ARL13B: variants seen among roughly 807,000 people sequenced by gnomAD.
The protein encoded by ARL13B is ARF like GTPase 13B, also known as ADP-ribosylation factor-like protein 13B.
A neutral mutation model predicts 56.1 loss-of-function variants in ARL13B; 36 were observed. That is an observed-to-expected ratio of 0.64 (90% CI 0.49 to 0.85). The LOEUF (loss-of-function observed/expected upper bound fraction) is 0.85. Ranked by LOEUF, ARL13B falls within the 40% of genes least tolerant of loss-of-function variation. ARL13B has a pLI of 0.00. For synonymous variants in ARL13B, 178 were observed against 171.1 expected, an observed-to-expected ratio of 1.04 and a Z score of -0.32; for missense variants, 519 against 507.1, an observed-to-expected ratio of 1.02 and a Z score of -0.23.
At chr3:93,994,626 C>T (rs941674949) in intron 1 of ARL13B, among the ~76,000 whole-genome samples, 13 of 152,048 alleles carry the variant, frequency 8.5e-5, no homozygotes, top group African/African-American at 2.9e-4. Context: ...ATACCTAGAA[C>T]ACTGGTGTCT....
In ARL13B at chr3:93,980,313, C is replaced by A; in HGVS notation, c.-111C>A. The A allele has an allele frequency of 2.1e-6, 3 of 1,433,282 alleles. No homozygotes were observed. The highest frequency in any genetic ancestry group is 2.9e-6 in the Non-Finnish European group (3 of 1,029,502). The allele number at this position is 1,433,282 out of a possible 1,614,324, so 88.8% of individuals were successfully genotyped here. On this transcript the variant is annotated 5_prime_UTR_variant, in exon 1 of 10. Coordinates refer to ENST00000394222, the MANE Select transcript of ARL13B (RefSeq NM_001174150.2). ...TCACTTCCCTCCCGGCTTTTCCTCC[C>A]GACTTATCCACTTTAGGGGCGTCTC...
intron 2 of ARL13B, among the ~76,000 whole-genome samples, chr3:94,003,449 A>T (rs564664699): frequency 1.3e-5 from 2 of 152,310 alleles, no homozygotes; most frequent in African/African-American, 4.8e-5. Context: ...TGTGGGTGTT[A>T]TATCAGGGGA....
chr3:94,011,604 T>C (rs1575970774), intron 3 of ARL13B, among the ~76,000 whole-genome samples: 1 of 152,286 alleles, frequency 6.6e-6, no homozygotes, highest in East Asian at 1.9e-4. Context: ...AGGGTTTCTC[T>C]TTCTACCCAA....
chr3:94,021,724 G>T lies in ARL13B; in HGVS notation c.381-13607G>T, dbSNP rs868252596. 3.9e-5 allele frequency among the ~76,000 whole-genome samples: 6 copies of T among 152,172 alleles called. No individual in the cohort carries two copies. In the Middle Eastern group the frequency reaches 0.014, roughly 345 times the overall value. ...GTAATTTATCTTGTATAGCTTCCTA[G>T]TGTTCATTTTGTGGTTTAGTGGTAT... On this transcript the variant is annotated intron_variant, in intron 3 of 9. Coordinates refer to ENST00000394222, the MANE Select transcript of ARL13B (RefSeq NM_001174150.2).
intron 3 of ARL13B, among the ~76,000 whole-genome samples, chr3:94,018,124 C>T (rs1054100213): frequency 6.6e-6 from 1 of 152,128 alleles, no homozygotes; most frequent in African/African-American, 2.4e-5. Context: ...TCTTGAACTC[C>T]TGGGCTCAAG....
At chr3:93,981,146 G>C (rs2107304234) in intron 1 of ARL13B, among the ~76,000 whole-genome samples, 1 of 152,310 alleles carries the variant, frequency 6.6e-6, no homozygotes, top group Non-Finnish European at 1.5e-5. Context: ...AATGCTGGAA[G>C]TATTAATAAT....
intron 3 of ARL13B, among the ~76,000 whole-genome samples, chr3:94,011,919 C>T (rs936982334): frequency 3.3e-5 from 5 of 152,084 alleles, no homozygotes; most frequent in African/African-American, 1.2e-4. Flanking sequence ...TTCTATAATT[C>T]CTTGAAACTG....
intron 1 of ARL13B, among the ~76,000 whole-genome samples, chr3:93,993,477 G>T (rs2075912567): frequency 6.6e-6 from 1 of 152,134 alleles, no homozygotes; most frequent in Non-Finnish European, 1.5e-5. Context: ...CTTCAGTGCA[G>T]TGACACAATC....
chr3:94,032,381 G>A (rs1440291320), intron 3 of ARL13B, among the ~76,000 whole-genome samples: 2 of 152,182 alleles, frequency 1.3e-5, no homozygotes, highest in African/African-American at 4.8e-5. Context: ...ATTTTTAGCT[G>A]TTACTGAAAA....
chr3:94,035,965 G>C (rs2076760480), intron 4 of ARL13B, among the ~76,000 whole-genome samples: 1 of 152,020 alleles, frequency 6.6e-6, no homozygotes, highest in African/African-American at 2.4e-5. Flanking sequence ...CCAGCTGCTT[G>C]AGGGGGCTGA....
chr3:94,048,697 T>A (rs772851362), intron 7 of ARL13B, among the ~76,000 whole-genome samples: 6 of 152,024 alleles, frequency 3.9e-5, no homozygotes, highest in African/African-American at 1.4e-4. Context: ...GCTCAAGTGA[T>A]CCTTCTGCCT....
intron 3 of ARL13B, among the ~76,000 whole-genome samples, chr3:94,007,042 T>G (rs2076147301): frequency 6.6e-6 from 1 of 152,156 alleles, no homozygotes; most frequent in Non-Finnish European, 1.5e-5. Flanking sequence ...ACCACTCATA[T>G]GCCAAATATT....
At chr3:93,986,777 T>C (rs1710483595) in intron 1 of ARL13B, among the ~76,000 whole-genome samples, 2 of 152,134 alleles carry the variant, frequency 1.3e-5, no homozygotes, top group South Asian at 4.1e-4. Context: ...GAGATGAGCC[T>C]GGCCAACATA....
At chr3:93,994,126 G>A (rs1276362764) in intron 1 of ARL13B, among the ~76,000 whole-genome samples, 1 of 152,158 alleles carries the variant, frequency 6.6e-6, no homozygotes, top group Non-Finnish European at 1.5e-5. Context: ...TCCTCACAAT[G>A]GCCTATGGTC....
At chr3:94,041,679 A>T (rs767494842) in intron 6 of ARL13B, among the ~76,000 whole-genome samples, 1 of 152,330 alleles carries the variant, frequency 6.6e-6, no homozygotes, top group African/African-American at 2.4e-5. Context: ...AGTGACACGT[A>T]TGCACAAAAG....
At chr3:94,006,666 T>G (rs2076140844) in intron 3 of ARL13B, among the ~76,000 whole-genome samples, 1 of 152,326 alleles carries the variant, frequency 6.6e-6, no homozygotes, top group South Asian at 2.1e-4. Context: ...ATGCTTGTTA[T>G]GACCAGTGAA....
At chr3:94,012,645 A>G (rs1285528891) in intron 3 of ARL13B, among the ~76,000 whole-genome samples, 6 of 152,140 alleles carry the variant, frequency 3.9e-5, no homozygotes, top group Non-Finnish European at 7.4e-5. Context: ...AATAGTGTCT[A>G]CTTCATACTT....
At chr3:94,023,682 T>A (rs1164878164) in intron 3 of ARL13B, among the ~76,000 whole-genome samples, 1 of 152,176 alleles carries the variant, frequency 6.6e-6, no homozygotes, top group African/African-American at 2.4e-5. Flanking sequence ...CGTTTAGACA[T>A]ATCTACTTGA....
chr3:94,026,264 G>T (rs968965554), intron 3 of ARL13B, among the ~76,000 whole-genome samples: 14 of 152,156 alleles, frequency 9.2e-5, no homozygotes, highest in African/African-American at 3.4e-4. Context: ...CTAAAATTTA[G>T]TGATGTTGTT....
Sources: allele counts gnomAD v4.1 joint callset (sites outside exome capture counted in the v4.1 genomes callset), GRCh38; gene constraint gnomAD v4.1.1; transcripts MANE v1.5; gene names NCBI Gene and HGNC (gene_info 2026-07-23, HGNC 2026-07-21).